PGM5: variants seen among roughly 807,000 people sequenced by gnomAD.
PGM5 encodes phosphoglucomutase-like protein 5.
PGM5 carries 23 observed loss-of-function variants against 59.2 expected under a neutral mutation model. The ratio of observed to expected loss-of-function variants is 0.39; its 90% CI spans 0.28 to 0.55. The LOEUF (loss-of-function observed/expected upper bound fraction) is 0.55, where lower values mean the gene tolerates loss of function less well. PGM5 is among the 20% of genes least tolerant of loss of function. The pLI, the probability that PGM5 is intolerant of heterozygous loss-of-function variation, is 0.66. For missense variants in PGM5, 574 were observed against 748.3 expected, an observed-to-expected ratio of 0.77 and a Z score of 2.72; for synonymous variants, 214 against 286.0, an observed-to-expected ratio of 0.75 and a Z score of 2.54.
chr9:68,523,102 C>T (rs1824922625), intron 10 of PGM5, among the ~76,000 whole-genome samples: 1 of 152,174 alleles, frequency 6.6e-6, no homozygotes, highest in South Asian at 2.1e-4. Context: ...GAAGTTTTTG[C>T]CCCAGGCTCT....
intron 6 of PGM5, among the ~76,000 whole-genome samples, chr9:68,452,742 C>T (rs1378680856): frequency 6.6e-6 from 1 of 152,216 alleles, no homozygotes; most frequent in East Asian, 1.9e-4. Context: ...CCCCACTAGG[C>T]TAGTCCCAGA....
chr9:68,525,363 A>G (rs1824955248), intron 10 of PGM5, among the ~76,000 whole-genome samples: 1 of 152,162 alleles, frequency 6.6e-6, no homozygotes, highest in African/African-American at 2.4e-5. Flanking sequence ...TGCCCTCATC[A>G]TGTGGCCACT....
At chr9:68,506,994 AAAC>A (rs1314223406) in intron 10 of PGM5, among the ~76,000 whole-genome samples, 3 of 152,226 alleles carry the variant, frequency 2.0e-5, no homozygotes, top group African/African-American at 7.2e-5. Flanking sequence ...TTAAAAATGA[AAAC>A]AAATTCAATT....
At chr9:68,376,070 A>G (rs1821873706) in intron 1 of PGM5, among the ~76,000 whole-genome samples, 2 of 152,166 alleles carry the variant, frequency 1.3e-5, no homozygotes. Flanking sequence ...ACTACAATGA[A>G]GACTTTGGCT....
intron 1 of PGM5, among the ~76,000 whole-genome samples, chr9:68,359,068 G>A (rs1834525919): frequency 6.6e-6 from 1 of 152,158 alleles, no homozygotes; most frequent in Non-Finnish European, 1.5e-5. Context: ...GAGAAACATG[G>A]CCTGTCCAAT....
At position 68,408,612 on chromosome 9, in the gene PGM5, C is replaced by T. The variant is rs565803607; in HGVS notation, c.1043+16139C>T. 1.8e-4 allele frequency among the ~76,000 whole-genome samples: 27 copies of T among 152,278 alleles called. No homozygotes were observed. In the East Asian group the frequency reaches 4.8e-3, roughly 27 times the overall value. On this transcript the variant is annotated intron_variant, in intron 6 of 10. Transcript: ENST00000396396. ...CATTTGTCAATTTTGGCTTTTCTTG[C>T]CATTGCTTTTGGTGTTTTAGACATG...
intron 6 of PGM5, among the ~76,000 whole-genome samples, chr9:68,427,119 G>C (rs936217767): frequency 6.6e-6 from 1 of 152,194 alleles, no homozygotes; most frequent in African/African-American, 2.4e-5. Flanking sequence ...ATGTGACACA[G>C]GTGGCCTCAT....
intron 6 of PGM5, among the ~76,000 whole-genome samples, chr9:68,446,167 G>A (rs1194626511): frequency 6.6e-6 from 1 of 152,150 alleles, no homozygotes; most frequent in Non-Finnish European, 1.5e-5. Context: ...TATAACAAGG[G>A]TGAAAGTAAT....
chr9:68,502,586 A>C (rs1409404266), intron 10 of PGM5, among the ~76,000 whole-genome samples: 1 of 152,228 alleles, frequency 6.6e-6, no homozygotes, highest in Non-Finnish European at 1.5e-5. Flanking sequence ...TAGTACTTTC[A>C]AGGCAGAATA....
At chr9:68,424,079 C>T (rs142041590) in intron 6 of PGM5, among the ~76,000 whole-genome samples, 15 of 152,248 alleles carry the variant, frequency 9.9e-5, no homozygotes, top group East Asian at 7.7e-4. Flanking sequence ...ATCTGCCCTC[C>T]GCAAGCCTCA....
intron 6 of PGM5, among the ~76,000 whole-genome samples, chr9:68,407,743 A>G (rs1397204437): frequency 6.6e-6 from 1 of 152,188 alleles, no homozygotes. Flanking sequence ...ATTTGTGTGC[A>G]TATTGTGAGC....
chr9:68,445,134 ATT>A (rs112573481), intron 6 of PGM5, among the ~76,000 whole-genome samples: 4 of 150,128 alleles, frequency 2.7e-5, no homozygotes, highest in African/African-American at 9.7e-5. Flanking sequence ...ACTCAATAGG[ATT>A]TTTTTTTTAA....
intron 8 of PGM5, among the ~76,000 whole-genome samples, chr9:68,480,027 T>C (rs1423374085): frequency 6.6e-6 from 1 of 152,128 alleles, no homozygotes; most frequent in Non-Finnish European, 1.5e-5. Context: ...TGTCAAAGGC[T>C]ACCAAGCTGG....
rs1178312818 is a variant in PGM5 at position 68,357,323 on chromosome 9, A to G, written c.196A>G (p.Ser66Gly). ...DRQGCTMVVGSDGRYFSRTAI... is the reference protein window; with the variant it reads ...DRQGCTMVVGGDGRYFSRTAI... ...TCAGGGCTGCACCATGGTGGTGGGC[A>G]GCGACGGCAGGTACTTTAGCAGGAC... Residue 66 changes from serine to glycine, a missense_variant, in exon 1 of 11, where the codon AGC becomes GGC. By Grantham distance (56) the Ser-to-Gly change is moderately conservative (BLOSUM62 0). Around this residue, in one of 7 missense-constraint regions of PGM5, gnomAD observed 61 missense variants for 133.3 expected, o/e 0.46. Transcript: ENST00000396396. The G allele has an allele frequency of 6.4e-7, 1 of 1,552,538 alleles. No individual in the cohort carries two copies. Among genetic ancestry groups the G allele is most frequent in the Non-Finnish European group, 8.7e-7 (1 of 1,150,774 alleles).
intron 10 of PGM5, among the ~76,000 whole-genome samples, chr9:68,520,668 G>A (rs1323824653): frequency 6.6e-6 from 1 of 152,154 alleles, no homozygotes; most frequent in Non-Finnish European, 1.5e-5. Flanking sequence ...AAAAGCTTTT[G>A]ATAAAATGTA....
chr9:68,514,725 G>A lies in PGM5; in HGVS notation c.1615-14842G>A, dbSNP rs150505524. Among the ~76,000 whole-genome samples, 495 of 152,306 alleles carry A rather than the reference G, an allele frequency of 3.3e-3. 1 individual carries two copies. The highest frequency in any genetic ancestry group is 0.01 in the Middle Eastern group (3 of 294). ...ACCTCTGCTTAGCAGGACTGACATT[G>A]TCTCCACACCAGACAAACCCTCTAA... is the stretch of plus-strand genomic sequence containing the variant. On this transcript the variant is annotated intron_variant, in intron 10 of 10. Transcript: ENST00000396396.
chr9:68,485,011 C>T (rs565364331), intron 9 of PGM5, among the ~76,000 whole-genome samples: 4 of 152,210 alleles, frequency 2.6e-5, no homozygotes, highest in East Asian at 1.9e-4. Context: ...TTTTGCTCAC[C>T]GACAAGGAAG....
intron 6 of PGM5, among the ~76,000 whole-genome samples, chr9:68,447,253 C>T (rs1353405141): frequency 1.3e-5 from 2 of 152,226 alleles, no homozygotes; most frequent in African/African-American, 4.8e-5. Context: ...GGCCTTCTGA[C>T]TTTTAGTGAA....
chr9:68,375,480 C>T (rs7048597), intron 1 of PGM5, among the ~76,000 whole-genome samples: 47,014 of 152,078 alleles, frequency 0.31, 7,505 homozygotes, highest in Admixed American at 0.36. Flanking sequence ...ACACTCGACT[C>T]GAAGAGTCTC....
Sources: allele counts gnomAD v4.1 joint callset (sites outside exome capture counted in the v4.1 genomes callset), GRCh38; gene constraint gnomAD v4.1.1; regional missense constraint gnomAD v4.1.1; transcripts MANE v1.5; gene names NCBI Gene and HGNC (gene_info 2026-07-23, HGNC 2026-07-21).